Variants in FAM178B observed in about 807,000 individuals in gnomAD.
FAM178B encodes protein FAM178B.
A neutral mutation model predicts 91.7 loss-of-function variants in FAM178B; 82 were observed. The ratio of observed to expected loss-of-function variants is 0.89; its 90% confidence interval spans 0.75 to 1.07. The LOEUF (loss-of-function observed/expected upper bound fraction) is 1.07, where lower values mean the gene tolerates loss of function less well. Ranked by LOEUF, FAM178B falls within the 50% of genes least tolerant of loss-of-function variation. The probability of loss-of-function intolerance (pLI) is 0.00; values close to 1 mark genes in which losing one functional copy is unlikely to be tolerated. For synonymous variants in FAM178B, 368 were observed against 359.4 expected, an observed-to-expected ratio of 1.02 and a Z score of -0.27; for missense variants, 769 against 846.7, an observed-to-expected ratio of 0.91 and a Z score of 1.14.
intron 12 of FAM178B, among the ~76,000 whole-genome samples, chr2:96,908,107 A>C (rs10191663): frequency 0.2 from 31,195 of 152,176 alleles, 4,436 homozygotes; most frequent in African/African-American, 0.4. Flanking sequence ...TGGGAAGAAC[A>C]AGGGGGTGGG....
chr2:96,977,828 C>G, intron 1 of FAM178B: 1 of 456,302 alleles, frequency 2.2e-6, no homozygotes, highest in South Asian at 1.5e-5. Flanking sequence ...GGCCTTTGTT[C>G]TACTCCAGCG....
intron 1 of FAM178B, among the ~76,000 whole-genome samples, chr2:96,977,093 G>A (rs188947021): frequency 6.7e-6 from 1 of 149,188 alleles, no homozygotes; most frequent in African/African-American, 2.5e-5. Flanking sequence ...TACTCGGGAC[G>A]CTGAAGCAGG....
chr2:96,894,598 A>T (rs1189216817), intron 13 of FAM178B, among the ~76,000 whole-genome samples: 2 of 88,566 alleles, frequency 2.3e-5, no homozygotes, highest in Non-Finnish European at 4.5e-5. Context: ...TCACCCACAT[A>T]CAGACCTACA....
Position 96,887,618 on chromosome 2 carries a change from G to A in FAM178B, c.1776+6308C>T, listed in dbSNP as rs958358437. ...GCATCACTGCTTGGATTCAAATGTC[G>A]CAGTGTGATGTGCAGCAGTGAAGCC... On this transcript the variant is annotated intron_variant, in intron 14 of 16. Transcript: ENST00000490605. 5.9e-5 allele frequency among the ~76,000 whole-genome samples: 9 copies of A among 152,218 alleles called. No homozygotes were observed. The East Asian group carries it at 7.7e-4, about 13-fold the overall frequency.
intron 3 of FAM178B, 140 bp downstream of exon 3, chr2:96,971,761 G>T: frequency 1.3e-6 from 1 of 798,294 alleles, no homozygotes; most frequent in Non-Finnish European, 1.8e-6. Flanking sequence ...CCCAAGGGCT[G>T]AGCAGGGATG....
Position 96,972,213 on chromosome 2 carries a change from G to C in FAM178B, c.252C>G (p.Ser84Arg), listed in dbSNP as rs1288168104. 9 of 1,543,642 alleles carry C rather than the reference G, an allele frequency of 5.8e-6. No individual in the cohort carries two copies. In the Admixed American group the frequency reaches 1.8e-4, roughly 31 times the overall value. ...ATGTGGGAGCTGGAGCCGAGGCAGG[G>C]CTGCAGGGCCGCCGGGCAGGGCAGC... The part of the protein sequence containing the change: ...GPRCPARRPC[S>R]PASAPAPTSP... Residue 84 changes from serine to arginine, a missense_variant, in exon 3 of 17, where the codon AGC (serine) becomes AGG (arginine). By Grantham distance (110) the Ser-to-Arg change is moderately radical. Transcript: ENST00000490605.
Position 96,876,287 on chromosome 2 carries a change from T to C in FAM178B, c.2029A>G (p.Lys677Glu). 6.2e-7 allele frequency: 1 copy of C among 1,607,782 alleles called. No homozygotes were observed. The highest frequency in any genetic ancestry group is 1.7e-4 in the Middle Eastern group (1 of 6,054). ...CTGACCCTGTCCCTTTAGATGTCTT[T>C]CCAGGGGCTGAAATACTGGGCCTGC... ...QPQAQYFSPWKDI is the reference protein window; with the variant it reads ...QPQAQYFSPWEDI Residue 677 changes from lysine (K) to glutamate (E), a missense_variant, in exon 17 of 17, where the codon AAA becomes GAA. Physicochemically the swap from Lys to Glu is moderately conservative, Grantham distance 56. Transcript: ENST00000490605.
rs777238306 is a variant in FAM178B at position 96,878,550 on chromosome 2, G to A, written c.1777-57C>T. ...CTAACTCCACCCAGGGCAGCATGGC[G>A]TGCCCTCCACCTGCACACTCCCCAC... is the stretch of plus-strand genomic sequence containing the variant. On this transcript the variant is annotated intron_variant, in intron 14 of 16. Coordinates refer to ENST00000490605, the MANE Select transcript of FAM178B (RefSeq NM_001122646.3). The A allele has an allele frequency of 3.0e-5, 45 of 1,523,622 alleles. 1 individual carries two copies. In the Middle Eastern group the frequency reaches 7.0e-4, roughly 24 times the overall value. 94.4% of individuals were successfully genotyped at this position (1,523,622 alleles called of 1,614,324 possible). A position where few individuals can be genotyped will look rare whatever the true frequency, so the allele number is the denominator to read the frequency against.
intron 5 of FAM178B, among the ~76,000 whole-genome samples, chr2:96,964,740 G>A (rs1170887423): frequency 6.6e-6 from 1 of 152,110 alleles, no homozygotes; most frequent in Non-Finnish European, 1.5e-5. Context: ...GTCCCTTCTT[G>A]TTCTTCCAGG....
intron 5 of FAM178B, among the ~76,000 whole-genome samples, chr2:96,963,221 G>T (rs1271148876): frequency 6.6e-6 from 1 of 152,222 alleles, no homozygotes; most frequent in East Asian, 1.9e-4. Context: ...TACAGAGCTG[G>T]AAGAATTACT....
At chr2:96,913,306 C>G (rs1441332436) in intron 12 of FAM178B, among the ~76,000 whole-genome samples, 2 of 152,136 alleles carry the variant, frequency 1.3e-5, no homozygotes, top group African/African-American at 4.8e-5. Flanking sequence ...CGCTGTGGCT[C>G]CGGGCAGCCT....
chr2:96,958,697 T>TAAAAAAAAAAAAAAAAAAAAA (rs55924441), intron 6 of FAM178B, among the ~76,000 whole-genome samples: 1 of 55,500 alleles, frequency 1.8e-5, no homozygotes, highest in Non-Finnish European at 3.0e-5. Context: ...CTCAAAATAC[T>TAAAAAAAAAAAAAAAAAAAAA]AAAAAAAAAA....
At chr2:96,942,099 CTACTTA>C (rs1262227617) in intron 8 of FAM178B, among the ~76,000 whole-genome samples, 1 of 152,184 alleles carries the variant, frequency 6.6e-6, no homozygotes, top group African/African-American at 2.4e-5. Context: ...GAAAACATCT[CTACTTA>C]TAACAGCACC....
At chr2:96,903,537 G>C (rs2080975634) in intron 12 of FAM178B, among the ~76,000 whole-genome samples, 1 of 152,264 alleles carries the variant, frequency 6.6e-6, no homozygotes, top group Non-Finnish European at 1.5e-5. Flanking sequence ...CAGTCACTGA[G>C]AGGTGGCCTC....
chr2:96,955,225 G>A (rs1442508192), intron 6 of FAM178B, among the ~76,000 whole-genome samples: 3 of 151,754 alleles, frequency 2.0e-5, no homozygotes, highest in Non-Finnish European at 4.4e-5. Context: ...AATTAGCCAT[G>A]CGAGACCGGG....
intron 12 of FAM178B, among the ~76,000 whole-genome samples, chr2:96,906,677 G>A (rs985715720): frequency 2.6e-5 from 4 of 152,006 alleles, no homozygotes; most frequent in Admixed American, 6.5e-5. Flanking sequence ...ACAGACCCCC[G>A]TGGGTGCAGG....
chr2:96,902,231 G>A (rs574878105), intron 13 of FAM178B, among the ~76,000 whole-genome samples: 50 of 151,554 alleles, frequency 3.3e-4, no homozygotes, highest in Non-Finnish European at 6.3e-4. Flanking sequence ...TCAGCCTCCC[G>A]AGTAGCTGGG....
At chr2:96,985,453 C>T (rs1425748661) in intron 1 of FAM178B, among the ~76,000 whole-genome samples, 1 of 152,208 alleles carries the variant, frequency 6.6e-6, no homozygotes, top group Admixed American at 6.5e-5. Flanking sequence ...GCCGCCCTCC[C>T]CGCTTCCCTC....
At chr2:96,929,410 GC>G (rs999705799) in intron 8 of FAM178B, 90 bp from the exon 9 acceptor site, 1 of 926,150 alleles carries the variant, frequency 1.1e-6, no homozygotes, top group African/African-American at 1.7e-5. Context: ...GTGACCCCTG[GC>G]CCAAGATAAC....
Sources: gnomAD v4.1 joint callset for allele counts (sites outside exome capture counted in the v4.1 genomes callset) on GRCh38, gnomAD v4.1.1 for gene constraint, MANE v1.5 for transcripts, NCBI Gene and HGNC (gene_info 2026-07-23, HGNC 2026-07-21) for gene names.